TMEM163: variants seen among roughly 807,000 people sequenced by gnomAD.
TMEM163 encodes transmembrane protein 163.
A neutral mutation model predicts 29.3 loss-of-function variants in TMEM163; 17 were observed. That is an observed-to-expected ratio of 0.58 (90% CI 0.40 to 0.87). The LOEUF is 0.87. Among genes scored for constraint, TMEM163 ranks in the 40% least tolerant of loss-of-function variants. The pLI is 0.00. For missense variants in TMEM163, 303 were observed against 381.5 expected, an observed-to-expected ratio of 0.79 and a Z score of 1.71; for synonymous variants, 157 against 160.6, an observed-to-expected ratio of 0.98 and a Z score of 0.17.
chr2:134,498,744 A>C (rs561696086), intron 5 of TMEM163, among the ~76,000 whole-genome samples: 1 of 152,362 alleles, frequency 6.6e-6, no homozygotes, highest in South Asian at 2.1e-4. Flanking sequence ...CAGAAAGGCC[A>C]GGGACAGGCA....
At chr2:134,514,402 TTTTTTA>T (rs1179273897) in intron 4 of TMEM163, among the ~76,000 whole-genome samples, 33 of 140,802 alleles carry the variant, frequency 2.3e-4, no homozygotes, top group East Asian at 7.2e-4. Flanking sequence ...TTTTTTTTTT[TTTTTTA>T]AAAAAAGAGG....
intron 2 of TMEM163, among the ~76,000 whole-genome samples, chr2:134,684,589 G>A (rs1417508653): frequency 6.6e-6 from 1 of 152,114 alleles, no homozygotes; most frequent in Non-Finnish European, 1.5e-5. Flanking sequence ...ACAAGAATAG[G>A]ATGGAGCCCC....
intron 4 of TMEM163, 42 bp from the exon 5 acceptor site, chr2:134,503,039 C>T (rs368064768): frequency 3.2e-5 from 50 of 1,548,648 alleles, no homozygotes; most frequent in Middle Eastern, 1.7e-4. Context: ...TGGGAGAACT[C>T]ACACTGCTGA....
At chr2:134,484,623 G>A (rs1679272462) in intron 5 of TMEM163, among the ~76,000 whole-genome samples, 1 of 152,186 alleles carries the variant, frequency 6.6e-6, no homozygotes, top group Admixed American at 6.5e-5. Context: ...ATTAGGAAGA[G>A]GGAACACAAA....
At chr2:134,538,654 G>A (rs779239202) in intron 4 of TMEM163, among the ~76,000 whole-genome samples, 1 of 152,080 alleles carries the variant, frequency 6.6e-6, no homozygotes, top group Non-Finnish European at 1.5e-5. Context: ...CACACCACAC[G>A]CCACAGTGAG....
intron 5 of TMEM163, among the ~76,000 whole-genome samples, chr2:134,470,282 G>A (rs556217280): frequency 5.3e-5 from 8 of 151,828 alleles, no homozygotes; most frequent in African/African-American, 1.5e-4. Flanking sequence ...GTGTGAACCC[G>A]GGAGGTGGAG....
chr2:134,527,379 A>G (rs1680318802), intron 4 of TMEM163, among the ~76,000 whole-genome samples: 1 of 152,230 alleles, frequency 6.6e-6, no homozygotes, highest in African/African-American at 2.4e-5. Context: ...TATATTATAA[A>G]GAAATTTTAG....
At chr2:134,551,991 T>A in intron 3 of TMEM163, 57 bp downstream of exon 3, 4 of 1,496,482 alleles carry the variant, frequency 2.7e-6, no homozygotes, top group Non-Finnish European at 3.7e-6. Context: ...GGGTGAGGTT[T>A]ATGGGCTTAT....
chr2:134,465,167 C>A (rs1686636043), intron 6 of TMEM163, among the ~76,000 whole-genome samples: 1 of 137,354 alleles, frequency 7.3e-6, no homozygotes, highest in Non-Finnish European at 1.5e-5. Flanking sequence ...GCCTGGGCAA[C>A]AACATGGTGA....
rs186597277 is a variant in TMEM163, at chr2:134,577,739, G to C, written c.323-25648C>G. Among the ~76,000 whole-genome samples the C allele has an allele frequency of 3.2e-3, 446 of 138,996 alleles. 1 individual carries two copies. The highest frequency in any genetic ancestry group is 0.018 in the Middle Eastern group (5 of 282). 91.2% of individuals were successfully genotyped at this position (138,996 alleles called of 152,430 possible). A position where few individuals can be genotyped will look rare whatever the true frequency, so the allele number is the denominator to read the frequency against. Reference sequence around the variant, plus strand: ...CCCTTGGGAGCCTCCGTGCCCACCAGGTATTTACAGTCAGCCCTTCTCTGT... The same window carrying C: ...CCCTTGGGAGCCTCCGTGCCCACCACGTATTTACAGTCAGCCCTTCTCTGT... On this transcript the variant is annotated intron_variant, in intron 2 of 7. Coordinates refer to ENST00000281924, the MANE Select transcript of TMEM163 (RefSeq NM_030923.5).
At chr2:134,461,034 A>G (rs6430516) in intron 6 of TMEM163, among the ~76,000 whole-genome samples, 37,133 of 151,958 alleles carry the variant, frequency 0.24, 7,495 homozygotes, top group East Asian at 0.57. Flanking sequence ...GGGCCTTCCC[A>G]ATCCGTCATT....
intron 4 of TMEM163, among the ~76,000 whole-genome samples, chr2:134,529,551 C>A (rs1377900891): frequency 6.6e-6 from 1 of 151,688 alleles, no homozygotes; most frequent in African/African-American, 2.4e-5. Flanking sequence ...GAGTTCAAGG[C>A]CAGCCTGGCC....
intron 2 of TMEM163, among the ~76,000 whole-genome samples, chr2:134,694,549 C>A (rs1399448372): frequency 1.3e-5 from 2 of 152,156 alleles, no homozygotes; most frequent in African/African-American, 4.8e-5. Flanking sequence ...AAATGGCCAT[C>A]TTTTGTAATG....
chr2:134,479,913 G>C (rs946480180), intron 5 of TMEM163, among the ~76,000 whole-genome samples: 1 of 152,234 alleles, frequency 6.6e-6, no homozygotes, highest in Non-Finnish European at 1.5e-5. Context: ...AATTAGGGGA[G>C]AGCTGACAAA....
chr2:134,610,616 G>A (rs940649925), intron 2 of TMEM163, among the ~76,000 whole-genome samples: 1 of 152,134 alleles, frequency 6.6e-6, no homozygotes, highest in Non-Finnish European at 1.5e-5. Context: ...GTTTAGAACC[G>A]ACCTCCAGGA....
chr2:134,630,244 C>T (rs572251747), intron 2 of TMEM163, among the ~76,000 whole-genome samples: 3 of 151,802 alleles, frequency 2.0e-5, no homozygotes, highest in Non-Finnish European at 2.9e-5. Context: ...AAGAACCCAA[C>T]GAGACAACAC....
At chr2:134,467,285 C>T (rs1686691127) in intron 5 of TMEM163, 1 of 152,188 alleles carries the variant, frequency 6.6e-6, no homozygotes, top group South Asian at 2.1e-4. Context: ...CCACCCCATC[C>T]CCTGCCCTTG....
chr2:134,542,044 T>C (rs1680686319), intron 4 of TMEM163, among the ~76,000 whole-genome samples: 1 of 152,236 alleles, frequency 6.6e-6, no homozygotes, highest in South Asian at 2.1e-4. Context: ...TATCCCTTGT[T>C]GCTAAGTCAA....
At chr2:134,518,000 C>A (rs1680112557) in intron 4 of TMEM163, among the ~76,000 whole-genome samples, 1 of 151,910 alleles carries the variant, frequency 6.6e-6, no homozygotes, top group South Asian at 2.1e-4. Flanking sequence ...ATTTCTGCAA[C>A]TTCTCTGTGA....
Sources: gnomAD v4.1 joint callset for allele counts (sites outside exome capture counted in the v4.1 genomes callset) on GRCh38, gnomAD v4.1.1 for gene constraint, MANE v1.5 for transcripts, NCBI Gene and HGNC (gene_info 2026-07-23, HGNC 2026-07-21) for gene names.